Variants in MCF2L2 observed in about 807,000 individuals in gnomAD.
MCF2L2 encodes the protein probable guanine nucleotide exchange factor MCF2L2.
A neutral mutation model predicts 150.2 loss-of-function variants in MCF2L2; 102 were observed. That is an observed-to-expected ratio of 0.68 (90% confidence interval 0.58 to 0.80). The LOEUF (loss-of-function observed/expected upper bound fraction) is 0.80, where lower values mean the gene tolerates loss of function less well. Among genes scored for constraint, MCF2L2 ranks in the 30% least tolerant of loss-of-function variants. MCF2L2 has a pLI of 0.00. For missense variants in MCF2L2, 1,256 were observed against 1,372.8 expected (o/e 0.91, Z 1.34); for synonymous variants, 465 against 491.3 (o/e 0.95, Z 0.71).
At chr3:183,329,041 A>G (rs756712609) in intron 5 of MCF2L2, among the ~76,000 whole-genome samples, 2 of 152,240 alleles carry the variant, frequency 1.3e-5, no homozygotes, top group African/African-American at 2.4e-5. Context: ...AAAGGTGGTA[A>G]GAGTATGAAG....
intron 15 of MCF2L2, among the ~76,000 whole-genome samples, chr3:183,243,785 A>G (rs527275780): frequency 6.6e-6 from 1 of 152,338 alleles, no homozygotes; most frequent in East Asian, 1.9e-4. Flanking sequence ...TTCTCCACAC[A>G]ATTAGAAGTA....
intron 1 of MCF2L2, among the ~76,000 whole-genome samples, chr3:183,392,561 G>C (rs570133734): frequency 6.6e-6 from 1 of 152,198 alleles, no homozygotes; most frequent in African/African-American, 2.4e-5. Flanking sequence ...TGCAGGTTTT[G>C]CTGAGAGTGC....
At chr3:183,281,350 GGGGAACCTCACCTTTT>G (rs1727465960) in intron 14 of MCF2L2, among the ~76,000 whole-genome samples, 1 of 151,628 alleles carries the variant, frequency 6.6e-6, no homozygotes, top group Non-Finnish European at 1.5e-5. Context: ...GGCAAAAGAG[GGGGAACCTCACCTTTT>G]TTTTTTTTTT....
At chr3:183,269,717 T>A in intron 15 of MCF2L2, 1 of 1,293,430 alleles carries the variant, frequency 7.7e-7, no homozygotes, top group Non-Finnish European at 1.1e-6. Context: ...ACACCTACTC[T>A]ACGAAACACG....
intron 3 of MCF2L2, chr3:183,374,556 T>C (rs1713078497): frequency 6.6e-6 from 1 of 151,714 alleles, no homozygotes; most frequent in Non-Finnish European, 1.5e-5. Context: ...TAATCCCAGC[T>C]ACTCGGGAGG....
rs530420292 is a variant in MCF2L2 at position 183,330,279 on chromosome 3, G to GAAAGGA, written c.487-6934_487-6929dup. 1.2e-3 allele frequency among the ~76,000 whole-genome samples: 177 copies of GAAAGGA among 147,694 alleles called. 1 individual carries two copies. Among genetic ancestry groups the GAAAGGA allele is most frequent in the African/African-American group, 4.4e-3 (173 of 39,648 alleles). The stretch of plus-strand genomic sequence containing the variant: ...AAAAAAAAAAGAAGAAGAAAAAAAG[G>GAAAGGA]AAAGGAAAAGGAAAAGGAAAGGAAA... On this transcript the variant is annotated intron_variant, in intron 5 of 29. Coordinates refer to ENST00000328913, the MANE Select transcript of MCF2L2 (RefSeq NM_015078.4).
At chr3:183,347,527 A>G (rs1009910620) in intron 3 of MCF2L2, among the ~76,000 whole-genome samples, 1 of 152,218 alleles carries the variant, frequency 6.6e-6, no homozygotes, top group African/African-American at 2.4e-5. Flanking sequence ...ACCAAAAGCA[A>G]TTGCCACAAA....
chr3:183,402,270 C>T (rs1460531539), intron 1 of MCF2L2, among the ~76,000 whole-genome samples: 1 of 146,540 alleles, frequency 6.8e-6, no homozygotes. Flanking sequence ...GGTGAAACCC[C>T]GTCTCTACTA....
chr3:183,341,262 G>A (rs1347839113), intron 4 of MCF2L2, among the ~76,000 whole-genome samples: 1 of 152,114 alleles, frequency 6.6e-6, no homozygotes, highest in African/African-American at 2.4e-5. Flanking sequence ...TTACTCCCCG[G>A]GCATTAACTT....
At chr3:183,317,003 G>A (rs1427875536) in intron 7 of MCF2L2, among the ~76,000 whole-genome samples, 1 of 152,122 alleles carries the variant, frequency 6.6e-6, no homozygotes, top group South Asian at 2.1e-4. Flanking sequence ...AACTACGCCC[G>A]GCCATTGTTT....
intron 2 of MCF2L2, among the ~76,000 whole-genome samples, chr3:183,385,472 T>G (rs2136233): frequency 0.89 from 134,953 of 152,186 alleles, 59,972 homozygotes; most frequent in East Asian, 0.94. Context: ...GTGTATGAGG[T>G]GAAACTGGGG....
At chr3:183,370,787 A>G (rs1338204537) in intron 3 of MCF2L2, among the ~76,000 whole-genome samples, 2 of 126,344 alleles carry the variant, frequency 1.6e-5, no homozygotes, top group African/African-American at 7.5e-5. Context: ...GTGACATGTA[A>G]GACTTACTTG....
intron 3 of MCF2L2, chr3:183,375,761 TC>T (rs1363583166): frequency 1.3e-5 from 2 of 152,210 alleles, no homozygotes; most frequent in African/African-American, 4.8e-5. Flanking sequence ...TTTTTATCCA[TC>T]CACGAGCCCT....
intron 27 of MCF2L2, chr3:183,180,462 G>A (rs1721482326): frequency 8.2e-6 from 3 of 366,804 alleles, no homozygotes; most frequent in South Asian, 7.6e-5. Flanking sequence ...TTCTAACCAC[G>A]CCTCCTTCCC....
chr3:183,230,879 G>C (rs1723524466), intron 16 of MCF2L2, 72 bp downstream of exon 16: 1 of 1,189,786 alleles, frequency 8.4e-7, no homozygotes, highest in African/African-American at 1.5e-5. Flanking sequence ...CAACTATTTT[G>C]AGTCTCTTTG....
chr3:183,420,827 A>C (rs182046006), intron 1 of MCF2L2, among the ~76,000 whole-genome samples: 160 of 152,270 alleles, frequency 1.1e-3, no homozygotes, highest in African/African-American at 3.8e-3. Context: ...CCTCACTGTC[A>C]AAAGAATAGC....
intron 25 of MCF2L2, among the ~76,000 whole-genome samples, chr3:183,199,488 G>A (rs988437428): frequency 2.6e-5 from 4 of 152,132 alleles, no homozygotes; most frequent in East Asian, 1.9e-4. Flanking sequence ...GTTGAAAGGA[G>A]TACAGTGTGT....
chr3:183,277,978 A>T (rs1727256148), intron 14 of MCF2L2, among the ~76,000 whole-genome samples: 1 of 148,834 alleles, frequency 6.7e-6, no homozygotes, highest in Non-Finnish European at 1.5e-5. Context: ...TGAGGTCAGG[A>T]GTTCAAGACC....
intron 15 of MCF2L2, among the ~76,000 whole-genome samples, chr3:183,242,709 G>C (rs1226571875): frequency 1.3e-5 from 2 of 152,218 alleles, no homozygotes; most frequent in Non-Finnish European, 2.9e-5. Flanking sequence ...TCCCCACACA[G>C]AGTGCCCACT....
Sources: gnomAD v4.1 joint callset for allele counts (sites outside exome capture counted in the v4.1 genomes callset) on GRCh38, gnomAD v4.1.1 for gene constraint, MANE v1.5 for transcripts, NCBI Gene and HGNC (gene_info 2026-07-23, HGNC 2026-07-21) for gene names.